Variants in NRXN1 observed in about 807,000 individuals in gnomAD.
NRXN1 encodes the protein neurexin 1, also known as neurexin-1.
NRXN1 carries 39 observed loss-of-function variants against 150.9 expected under a neutral mutation model. The ratio of observed to expected loss-of-function variants is 0.26; its 90% CI spans 0.20 to 0.34. The LOEUF (loss-of-function observed/expected upper bound fraction) is 0.34. Among genes scored for constraint, NRXN1 ranks in the 10% least tolerant of loss-of-function variants. The pLI is 1.00. For synonymous variants in NRXN1, 924 were observed against 757.0 expected, an observed-to-expected ratio of 1.22 and a Z score of -3.62; for missense variants, 1,815 against 1,949.9, an observed-to-expected ratio of 0.93 and a Z score of 1.30.
intron 12 of NRXN1, among the ~76,000 whole-genome samples, chr2:50,520,503 A>G (rs1032572744): frequency 2.0e-5 from 3 of 151,988 alleles, no homozygotes; most frequent in African/African-American, 7.2e-5. Context: ...ACCAGCAGAT[A>G]TAAACATTTA....
chr2:50,529,700 T>G (rs1298078709), intron 11 of NRXN1, among the ~76,000 whole-genome samples: 1 of 152,186 alleles, frequency 6.6e-6, no homozygotes, highest in Non-Finnish European at 1.5e-5. Flanking sequence ...ACAGAATGCT[T>G]TGCTGTTCGA....
At chr2:50,137,614 A>G (rs1354931127) in intron 18 of NRXN1, among the ~76,000 whole-genome samples, 1 of 152,156 alleles carries the variant, frequency 6.6e-6, no homozygotes, top group Non-Finnish European at 1.5e-5. Context: ...GTCATTATTA[A>G]CTGGTACTCT....
chr2:50,301,659 G>T (rs527430823), intron 17 of NRXN1, among the ~76,000 whole-genome samples: 1 of 152,246 alleles, frequency 6.6e-6, no homozygotes, highest in South Asian at 2.1e-4. Flanking sequence ...CCAGTTTCTA[G>T]CATCTCTGAG....
intron 5 of NRXN1, among the ~76,000 whole-genome samples, chr2:50,712,884 T>C (rs1004474480): frequency 1.3e-5 from 2 of 152,186 alleles, no homozygotes; most frequent in African/African-American, 4.8e-5. Context: ...AGGTGTGTAA[T>C]TGCAGAAAAA....
chr2:50,634,086 G>A (rs1301560922), intron 5 of NRXN1, among the ~76,000 whole-genome samples: 1 of 152,188 alleles, frequency 6.6e-6, no homozygotes, highest in African/African-American at 2.4e-5. Flanking sequence ...TCAGAGCTGT[G>A]GGATGGGGCT....
At chr2:50,872,391 A>G (rs1325545403) in intron 5 of NRXN1, among the ~76,000 whole-genome samples, 1 of 151,724 alleles carries the variant, frequency 6.6e-6, no homozygotes, top group Non-Finnish European at 1.5e-5. Flanking sequence ...AGTGTGGAGT[A>G]CTTGCAGGAG....
chr2:50,167,550 T>C (rs2152796544), intron 18 of NRXN1, among the ~76,000 whole-genome samples: 1 of 151,170 alleles, frequency 6.6e-6, no homozygotes, highest in East Asian at 1.9e-4. Flanking sequence ...AAGGAGAAAC[T>C]GTTAAAAAAA....
At chr2:50,479,754 T>C (rs1308056729) in intron 15 of NRXN1, among the ~76,000 whole-genome samples, 1 of 142,132 alleles carries the variant, frequency 7.0e-6, no homozygotes, top group Non-Finnish European at 1.5e-5. Flanking sequence ...CATCTACTAA[T>C]CCATTTCTTT....
chr2:50,730,265 T>C (rs1249880046), intron 5 of NRXN1, among the ~76,000 whole-genome samples: 1 of 152,198 alleles, frequency 6.6e-6, no homozygotes, highest in Admixed American at 6.5e-5. Context: ...GGTCTACTAT[T>C]TTTTTAAATT....
chr2:50,723,560 A>T (rs145644143), intron 5 of NRXN1, among the ~76,000 whole-genome samples: 11 of 152,348 alleles, frequency 7.2e-5, no homozygotes, highest in African/African-American at 2.2e-4. Context: ...AAGGCTTTCA[A>T]TGCCTCTGGG....
At chr2:50,611,883 C>A (rs553207349) in intron 8 of NRXN1, among the ~76,000 whole-genome samples, 1 of 152,268 alleles carries the variant, frequency 6.6e-6, no homozygotes, top group East Asian at 1.9e-4. Context: ...AACTGGGCAT[C>A]TGAGAAATAT....
At chr2:50,118,348 T>G (rs763493271) in intron 18 of NRXN1, among the ~76,000 whole-genome samples, 1 of 152,148 alleles carries the variant, frequency 6.6e-6, no homozygotes, top group East Asian at 1.9e-4. Flanking sequence ...AAGGTTATAA[T>G]GTATGGGGAA....
intron 5 of NRXN1, among the ~76,000 whole-genome samples, chr2:50,875,733 A>C (rs1023562653): frequency 6.6e-6 from 1 of 151,832 alleles, no homozygotes; most frequent in African/African-American, 2.4e-5. Context: ...TAAAAGCCCC[A>C]GGAATTATGA....
intron 17 of NRXN1, among the ~76,000 whole-genome samples, chr2:50,456,550 C>T (rs541697787): frequency 6.6e-6 from 1 of 152,210 alleles, no homozygotes; most frequent in African/African-American, 2.4e-5. Flanking sequence ...ATGCTTTGTT[C>T]AGGGAAGCAA....
rs149452739 is a variant in NRXN1, at chr2:50,966,798, G to GA, written c.773-40844dup. Among the ~76,000 whole-genome samples the GA allele has an allele frequency of 6.4e-3, 968 of 151,910 alleles. 10 individuals are homozygous for GA. The highest frequency in any genetic ancestry group is 0.022 in the African/African-American group (894 of 41,500). ...AAGGGAAATCTACTTTAATTTCCTTGAAAAATGTGCTATAACAGCTATCTG... is the reference window on the plus strand; with the variant it reads ...AAGGGAAATCTACTTTAATTTCCTTGAAAAAATGTGCTATAACAGCTATCTG... On this transcript the variant is annotated intron_variant, in intron 2 of 22. Transcript: ENST00000401669.
intron 5 of NRXN1, among the ~76,000 whole-genome samples, chr2:50,779,954 C>T (rs1704149022): frequency 6.6e-6 from 1 of 152,084 alleles, no homozygotes; most frequent in Admixed American, 6.5e-5. Context: ...CTGTCTTCCA[C>T]AATGTTTAAA....
At chr2:49,952,854 A>C (rs147187153) in intron 21 of NRXN1, among the ~76,000 whole-genome samples, 1 of 152,278 alleles carries the variant, frequency 6.6e-6, no homozygotes, top group African/African-American at 2.4e-5. Flanking sequence ...CTATCATTAG[A>C]GTTCTGTCAG....
intron 18 of NRXN1, among the ~76,000 whole-genome samples, chr2:50,147,362 G>C (rs2058405599): frequency 6.6e-6 from 1 of 151,722 alleles, no homozygotes; most frequent in Non-Finnish European, 1.5e-5. Context: ...GAGTGGCAAA[G>C]AAGCAGCATC....
At chr2:50,927,552 T>C (rs1389893970) in intron 2 of NRXN1, among the ~76,000 whole-genome samples, 1 of 152,058 alleles carries the variant, frequency 6.6e-6, no homozygotes, top group Non-Finnish European at 1.5e-5. Flanking sequence ...GTGACTTTGA[T>C]GTTACACAAA....
Sources: gnomAD v4.1 joint callset for allele counts (sites outside exome capture counted in the v4.1 genomes callset) on GRCh38, gnomAD v4.1.1 for gene constraint, MANE v1.5 for transcripts, NCBI Gene and HGNC (gene_info 2026-07-23, HGNC 2026-07-21) for gene names.